Variants in PKHD1 observed in about 807,000 individuals in gnomAD.
The protein encoded by PKHD1 is PKHD1 ciliary IPT domain containing fibrocystin/polyductin.
Under a neutral mutation model 412.0 loss-of-function variants are expected in PKHD1, and 291 were observed. The observed-to-expected ratio is 0.71, with a 90% CI of 0.64 to 0.78. PKHD1 has a LOEUF of 0.78. PKHD1 is among the 30% of genes least tolerant of loss of function. PKHD1 has a pLI of 0.00. For synonymous variants in PKHD1, 1,777 were observed against 1,821.5 expected (o/e 0.98, Z 0.62); for missense variants, 4,825 against 4,950.7 (o/e 0.97, Z 0.76).
chr6:51,900,242 G>A (rs1781006712), intron 43 of PKHD1, among the ~76,000 whole-genome samples: 1 of 152,194 alleles, frequency 6.6e-6, no homozygotes, highest in Non-Finnish European at 1.5e-5. Flanking sequence ...AACAAAGCTG[G>A]AGGCATCACC....
chr6:51,753,455 C>T (rs1786455030), intron 56 of PKHD1, 102 bp from the exon 57 acceptor site: 1 of 925,110 alleles, frequency 1.1e-6, no homozygotes, highest in Non-Finnish European at 1.8e-6. Flanking sequence ...CATCCTTTCC[C>T]CTCAGAAGTT....
At chr6:51,812,120 G>A (rs554114364) in intron 52 of PKHD1, among the ~76,000 whole-genome samples, 32 of 152,206 alleles carry the variant, frequency 2.1e-4, no homozygotes, top group Non-Finnish European at 3.8e-4. Flanking sequence ...CATCCCGCTC[G>A]GTCCCTTTGT....
intron 31 of PKHD1, 102 bp downstream of exon 31, chr6:52,027,727 C>T: frequency 1.2e-6 from 1 of 859,642 alleles, no homozygotes; most frequent in South Asian, 1.4e-5. Context: ...CCTGTTTCCC[C>T]TCTCTCTGAC....
intron 27 of PKHD1, among the ~76,000 whole-genome samples, chr6:52,037,940 C>T (rs1804201945): frequency 6.6e-6 from 1 of 152,072 alleles, no homozygotes; most frequent in Non-Finnish European, 1.5e-5. Context: ...CACATCCCCA[C>T]CAAAATTTAG....
chr6:51,695,647 CAG>C (rs1433308427), intron 60 of PKHD1, among the ~76,000 whole-genome samples: 1 of 152,132 alleles, frequency 6.6e-6, no homozygotes, highest in Non-Finnish European at 1.5e-5. Flanking sequence ...TCTTGACACT[CAG>C]AGAAAGTTAT....
chr6:51,881,074 TC>T (rs1336359026), intron 46 of PKHD1, among the ~76,000 whole-genome samples: 3 of 80,458 alleles, frequency 3.7e-5, no homozygotes, highest in African/African-American at 1.4e-4. Context: ...TCTTTTTCTT[TC>T]TTTTTTTTTT....
intron 60 of PKHD1, among the ~76,000 whole-genome samples, chr6:51,691,888 C>T (rs1252165498): frequency 6.6e-6 from 1 of 152,126 alleles, no homozygotes; most frequent in Non-Finnish European, 1.5e-5. Flanking sequence ...ATTTTATCAC[C>T]TAGAGATCAC....
chr6:52,083,245 C>T lies in PKHD1; in HGVS notation c.63G>A (p.Leu21=). 2 of 1,604,924 alleles carry T rather than the reference C, an allele frequency of 1.2e-6. No homozygotes were observed. Among genetic ancestry groups the T allele is most frequent in the African/African-American group, 2.7e-5 (2 of 74,868 alleles). ...IEVLLLAVRH[L]SLHIEPEEGS... is the part of the protein sequence containing the mutation. The stretch of plus-strand genomic sequence containing the variant: ...CTTCTTCAGGTTCAATATGTAAACT[C>T]AGGTGACGTACTGTAAGTAAGTGAA... Residue 21 remains leucine (L), a synonymous_variant, in exon 3 of 67, where the codon CTG becomes CTA. Coordinates refer to ENST00000371117, the MANE Select transcript of PKHD1 (RefSeq NM_138694.4).
At chr6:51,717,980 T>C (rs1244339613) in intron 60 of PKHD1, among the ~76,000 whole-genome samples, 1 of 152,184 alleles carries the variant, frequency 6.6e-6, no homozygotes, top group Admixed American at 6.5e-5. Context: ...CAAAAGGCCT[T>C]TCTCTCAACA....
Position 51,721,194 on chromosome 6 carries a change from G to A in PKHD1, c.10156+23191C>T, listed in dbSNP as rs7766778. Reference sequence around the variant, plus strand: ...CCTACTGCTTAAGGTCATGGCCAAGGTCTGATTTTGCAATTCAAAAAATTG... The same window carrying A: ...CCTACTGCTTAAGGTCATGGCCAAGATCTGATTTTGCAATTCAAAAAATTG... On this transcript the variant is annotated intron_variant, in intron 60 of 66. Coordinates refer to ENST00000371117, the MANE Select transcript of PKHD1 (RefSeq NM_138694.4). 1.2e-3 allele frequency: 1,078 copies of A among 930,764 alleles called. 8 individuals are homozygous for A. In the African/African-American group the frequency reaches 0.017, roughly 15 times the overall value. 57.7% of individuals were successfully genotyped at this position (930,764 alleles called of 1,614,324 possible).
chr6:52,004,675 T>A (rs1798839856), intron 35 of PKHD1, among the ~76,000 whole-genome samples: 1 of 152,190 alleles, frequency 6.6e-6, no homozygotes, highest in African/African-American at 2.4e-5. Context: ...GTTTTCAGGA[T>A]CCATTCAGTG....
At chr6:51,731,524 C>T (rs558041737) in intron 60 of PKHD1, among the ~76,000 whole-genome samples, 2 of 152,140 alleles carry the variant, frequency 1.3e-5, no homozygotes, top group Non-Finnish European at 2.9e-5. Context: ...TAATCCAAGT[C>T]TAGACAAGCT....
intron 37 of PKHD1, among the ~76,000 whole-genome samples, chr6:51,914,415 C>T (rs1215387593): frequency 6.6e-6 from 1 of 152,092 alleles, no homozygotes; most frequent in Non-Finnish European, 1.5e-5. Context: ...ATGGTTAAAA[C>T]ATCAAGCCTG....
In PKHD1 at chr6:52,048,607, A is replaced by C. The variant is rs1208394413; in HGVS notation, c.2292T>G (p.Thr764=). 1 of 1,614,064 alleles carries C rather than the reference A, an allele frequency of 6.2e-7. No homozygotes were observed. Among genetic ancestry groups the C allele is most frequent in the East Asian group, 2.2e-5 (1 of 44,870 alleles). ...LPLITARSVP[T]EGTEEGSGLV... ...GTCCAGATCCCTCTTCTGTTCCTTC[A>C]GTGGGCACAGAGCTGTGGCACGTCA... Residue 764 remains threonine (T), a synonymous_variant, in exon 23 of 67, where the codon ACT becomes ACG. Coordinates refer to ENST00000371117, the MANE Select transcript of PKHD1 (RefSeq NM_138694.4).
At chr6:51,722,350 A>T (rs954504302) in intron 60 of PKHD1, among the ~76,000 whole-genome samples, 7 of 152,186 alleles carry the variant, frequency 4.6e-5, no homozygotes, top group Admixed American at 3.9e-4. Flanking sequence ...CGTCTCACTT[A>T]TGTCTAAACT....
chr6:51,725,490 G>A (rs141679062), intron 60 of PKHD1, among the ~76,000 whole-genome samples: 1 of 151,958 alleles, frequency 6.6e-6, no homozygotes, highest in East Asian at 1.9e-4. Flanking sequence ...AAAATGGAGA[G>A]AAAGAGAAGA....
intron 60 of PKHD1, among the ~76,000 whole-genome samples, chr6:51,690,324 T>C (rs1778006985): frequency 7.0e-6 from 1 of 143,020 alleles, no homozygotes; most frequent in African/African-American, 2.6e-5. Flanking sequence ...TATTTTTAAA[T>C]GTACATGGAA....
At chr6:51,994,875 G>A (rs962777106) in intron 35 of PKHD1, among the ~76,000 whole-genome samples, 8 of 152,018 alleles carry the variant, frequency 5.3e-5, no homozygotes, top group South Asian at 2.1e-4. Flanking sequence ...GAGCCATCTC[G>A]CCCAGCCATG....
intron 60 of PKHD1, among the ~76,000 whole-genome samples, chr6:51,668,016 CT>C (rs1390722336): frequency 3.9e-5 from 6 of 152,076 alleles, no homozygotes; most frequent in African/African-American, 1.2e-4. Flanking sequence ...TTAGGATTGA[CT>C]TGGTGATGCA....
Sources: gnomAD v4.1 joint callset for allele counts (sites outside exome capture counted in the v4.1 genomes callset) on GRCh38, gnomAD v4.1.1 for gene constraint, MANE v1.5 for transcripts, NCBI Gene and HGNC (gene_info 2026-07-23, HGNC 2026-07-21) for gene names.